The following GTPBP3 variants were observed in gnomAD, a reference collection of about 807,000 sequenced individuals.
GTPBP3 encodes GTP binding protein 3, mitochondrial.
In GTPBP3, 35 loss-of-function variants were observed where a neutral mutation model predicts 42.0. The observed-to-expected ratio is 0.83, with a 90% CI of 0.64 to 1.10. The LOEUF (loss-of-function observed/expected upper bound fraction) is 1.10, where lower values mean the gene tolerates loss of function less well. GTPBP3 is among the 50% of genes least tolerant of loss of function. The pLI is 0.00. For missense variants in GTPBP3, 691 were observed against 685.2 expected (o/e 1.01, Z -0.09); for synonymous variants, 332 against 314.9 (o/e 1.05, Z -0.58).
At chr19:17,336,602 A>C (rs1424632666), upstream of GTPBP3, 1 of 152,254 alleles carries the variant, frequency 6.6e-6, no homozygotes, top group Admixed American at 6.5e-5. Flanking sequence ...ATTTTTCTTA[A>C]CACGCAAGTG....
chr19:17,337,911 C>T, intron 1 of GTPBP3, 97 bp from the exon 2 acceptor site: 1 of 1,487,324 alleles, frequency 6.7e-7, no homozygotes, highest in South Asian at 1.2e-5. Flanking sequence ...GCAGAACCCC[C>T]CCACCTGGAG....
chr19:17,338,803 G>A (rs779862664), intron 4 of GTPBP3, 62 bp downstream of exon 4: 3 of 1,547,916 alleles, frequency 1.9e-6, no homozygotes, highest in Non-Finnish European at 2.6e-6. Context: ...CCCTGCATGA[G>A]ACCCCCTCTC....
At chr19:17,337,465 G>T, upstream of GTPBP3, 7 of 1,244,624 alleles carry the variant, frequency 5.6e-6, no homozygotes, top group Non-Finnish European at 2.0e-6. Flanking sequence ...ATCTTCAGAC[G>T]GTGGGCAGGA....
chr19:17,338,218 G>C lies in GTPBP3; in HGVS notation c.264G>C (p.Gly88=). The C allele has an allele frequency of 6.3e-7, 1 of 1,582,700 alleles. No homozygotes were observed. Among genetic ancestry groups the C allele is most frequent in the Non-Finnish European group, 8.5e-7 (1 of 1,170,298 alleles). The change falls in exon 2 of 9, where the codon GGG becomes GGC. Residue 88 remains glycine (G), a synonymous_variant. Coordinates refer to ENST00000324894, the MANE Select transcript of GTPBP3 (RefSeq NM_032620.4). ...SLRLLSDPRS[G]EPLDRALVLW... is the part of the protein sequence containing the mutation. ...GCCTGCTCAGCGATCCCCGCTCCGG[G>C]GAGCCTCTGGACCGCGCACTGGTGC...
rs764738333 is a variant in GTPBP3, at chr19:17,338,980, C to A, written c.618C>A (p.Ile206=). ...TKALAHVEAY[I]DFGEDDNLEE... ...CTCTGGCCCACGTGGAGGCCTATATCGATTTCGGCGAGGATGACAACCTGG... is the reference window on the plus strand; with the variant it reads ...CTCTGGCCCACGTGGAGGCCTATATAGATTTCGGCGAGGATGACAACCTGG... The change falls in exon 5 of 9, where the codon ATC becomes ATA. Residue 206 remains isoleucine, a synonymous_variant. Coordinates refer to ENST00000324894, the MANE Select transcript of GTPBP3 (RefSeq NM_032620.4). The A allele has an allele frequency of 3.5e-5, 56 of 1,611,230 alleles. No homozygotes were observed. Among genetic ancestry groups the A allele is most frequent in the Non-Finnish European group, 4.7e-5 (55 of 1,178,384 alleles).
At position 17,338,749 on chromosome 19, in the gene GTPBP3, C is replaced by A. The variant is rs370845070; in HGVS notation, c.591+8C>A. The A allele has an allele frequency of 6.1e-5, 97 of 1,599,490 alleles. No homozygotes were observed. Among genetic ancestry groups the A allele is most frequent in the Admixed American group, 1.9e-4 (11 of 59,128 alleles). ...GCCGAGACCCTCACCAAAGCAAGTCCCCCATTTGTCCATTCTCTCCCTCAG... is the reference window on the plus strand; with the variant it reads ...GCCGAGACCCTCACCAAAGCAAGTCACCCATTTGTCCATTCTCTCCCTCAG... On this transcript the variant is annotated splice_region_variant and intron_variant, in intron 4 of 8. Coordinates refer to ENST00000324894, the MANE Select transcript of GTPBP3 (RefSeq NM_032620.4).
rs2074391935 is a variant in GTPBP3, at chr19:17,338,554, T to C, written c.404T>C (p.Leu135Pro). ...CTTCCTGCAGGCAGCGTGCCAGGGC[T>C]TCGACCGGCGGAGGCAGGCGAGTTC... ...VLQALGSVPG[L>P]RPAEAGEFTR... The change falls in exon 4 of 9, where the codon CTT becomes CCT. Residue 135 changes from leucine (L) to proline (P), a missense_variant. Transcript: ENST00000324894. 6.2e-7 allele frequency: 1 copy of C among 1,613,768 alleles called. No individual in the cohort carries two copies. The highest frequency in any genetic ancestry group is 8.5e-7 in the Non-Finnish European group (1 of 1,179,772).
Position 17,341,544 on chromosome 19 carries a change from T to A in GTPBP3, c.1320T>A (p.Gly440=). ...TRARHQHHLQ[G]CLDALGHYKQ... The stretch of plus-strand genomic sequence containing the variant: ...CAAGGCACCAGCACCACCTCCAGGG[T>A]TGCCTGGATGCCCTCGGCCACTACA... The change falls in exon 9 of 9, where the codon GGT becomes GGA. Residue 440 remains glycine, a synonymous_variant. Transcript: ENST00000324894. The A allele has an allele frequency of 1.9e-6, 3 of 1,613,788 alleles. No individual in the cohort carries two copies. The highest frequency in any genetic ancestry group is 2.5e-6 in the Non-Finnish European group (3 of 1,179,990).
chr19:17,340,454 C>T (rs2074417925), intron 7 of GTPBP3, among the ~76,000 whole-genome samples: 1 of 151,528 alleles, frequency 6.6e-6, no homozygotes, highest in African/African-American at 2.4e-5. Flanking sequence ...CCCGCCCTGG[C>T]ACTCCGCTCT....
Position 17,341,052 on chromosome 19 carries a change from A to C in GTPBP3, c.983A>C (p.Gln328Pro), listed in dbSNP as rs770023317. 22 of 1,613,190 alleles carry C rather than the reference A, an allele frequency of 1.4e-5. No homozygotes were observed. Among genetic ancestry groups the C allele is most frequent in the Non-Finnish European group, 1.7e-5 (20 of 1,179,678 alleles). The stretch of plus-strand genomic sequence containing the variant: ...TGACCTTGCTCCCGCAGGCTAGAGC[A>C]GGCTGACCTCATTCTGGCCATGCTG... ...GVRRARERLE[Q>P]ADLILAMLDA... The change falls in exon 8 of 9, where the codon CAG (glutamine) becomes CCG (proline). Residue 328 changes from glutamine to proline, a missense_variant. Coordinates refer to ENST00000324894, the MANE Select transcript of GTPBP3 (RefSeq NM_032620.4).
upstream of GTPBP3, among the ~76,000 whole-genome samples, chr19:17,335,803 G>C (rs1029226237): frequency 1.3e-5 from 1 of 79,320 alleles, no homozygotes; most frequent in Non-Finnish European, 2.5e-5. Context: ...CACAGTAGGC[G>C]CTTGCTGTAC....
chr19:17,340,486 C>T (rs1470379074), intron 7 of GTPBP3, among the ~76,000 whole-genome samples: 1 of 151,714 alleles, frequency 6.6e-6, no homozygotes, highest in Non-Finnish European at 1.5e-5. Context: ...TCTATCCCAT[C>T]CCCTGTGCTC....
rs2074389602 is a variant in GTPBP3, at chr19:17,338,388, GACTGCGTGGAGTTCC to G, written c.328_342del (p.Cys110_His114del). The G allele has an allele frequency of 6.2e-7, 1 of 1,614,074 alleles. No homozygotes were observed. Among genetic ancestry groups the G allele is most frequent in the African/African-American group, 1.3e-5 (1 of 74,948 alleles). On this transcript the variant is annotated inframe_deletion, in exon 3 of 9. Transcript: ENST00000324894. ...AGGTCCCCAGAGTTTCACCGGTGAG[GACTGCGTGGAGTTCC>G]ACGTGCATGGAGGCCCGGCAGTGGT...
upstream of GTPBP3, chr19:17,337,536 GGA>G: frequency 7.8e-7 from 1 of 1,288,160 alleles, no homozygotes; most frequent in Non-Finnish European, 9.9e-7. Context: ...GTCAAGCCGC[GGA>G]GTGGGCGGGG....
chr19:17,340,806 C>G, intron 7 of GTPBP3: 1 of 515,106 alleles, frequency 1.9e-6, no homozygotes, highest in Non-Finnish European at 3.4e-6. Context: ...ACCGTGACCG[C>G]TCCTCTTGCT....
At chr19:17,337,298 T>G (rs2074376302), upstream of GTPBP3, 1 of 319,066 alleles carries the variant, frequency 3.1e-6, no homozygotes, top group African/African-American at 2.1e-5. Context: ...TGCCAAACTC[T>G]GTCCTTTCTT....
intron 7 of GTPBP3, 63 bp from the exon 8 acceptor site, chr19:17,340,981 C>T: frequency 6.4e-7 from 1 of 1,563,096 alleles, no homozygotes; most frequent in Non-Finnish European, 8.7e-7. Flanking sequence ...CTAACTGTCC[C>T]TCCACCCAGT....
In GTPBP3 at chr19:17,339,183, G is replaced by C. The variant is rs1312231447; in HGVS notation, c.725G>C (p.Arg242Pro). 6.2e-7 allele frequency: 1 copy of C among 1,613,632 alleles called. No individual in the cohort carries two copies. Among genetic ancestry groups the C allele is most frequent in the African/African-American group, 1.3e-5 (1 of 74,936 alleles). Reference protein sequence around the residue: ...ALGAHLRDARRGQRLRSGVHV... With the variant: ...ALGAHLRDARPGQRLRSGVHV... ...GGTGCACATCTACGAGATGCCAGGC[G>C]CGGGCAGAGGCTCCGCTCAGGGGTG... is the stretch of plus-strand genomic sequence containing the variant. Residue 242 changes from arginine (R) to proline (P), a missense_variant, in exon 6 of 9, where the codon CGC becomes CCC. By Grantham distance (103) the Arg-to-Pro change is moderately radical. Coordinates refer to ENST00000324894, the MANE Select transcript of GTPBP3 (RefSeq NM_032620.4).
rs769827042 is a variant in GTPBP3, at chr19:17,341,269, G to C, written c.1200G>C (p.Thr400=). 2.5e-6 allele frequency: 4 copies of C among 1,605,840 alleles called. No homozygotes were observed. The highest frequency in any genetic ancestry group is 1.1e-5 in the South Asian group (1 of 91,020). Residue 400 remains threonine (T), a synonymous_variant, in exon 8 of 9, where the codon ACG becomes ACC. Coordinates refer to ENST00000324894, the MANE Select transcript of GTPBP3 (RefSeq NM_032620.4). ...CGCACCTGCTGCTGTCCTGTCTGACGGGAGAGGGGCTGGACGGCCTCCTGG... is the reference window on the plus strand; with the variant it reads ...CGCACCTGCTGCTGTCCTGTCTGACCGGAGAGGGGCTGGACGGCCTCCTGG... ...LPPHLLLSCL[T]GEGLDGLLEA...
Sources: allele counts gnomAD v4.1 joint callset (sites outside exome capture counted in the v4.1 genomes callset), GRCh38; gene constraint gnomAD v4.1.1; transcripts MANE v1.5; gene names NCBI Gene and HGNC (gene_info 2026-07-23, HGNC 2026-07-21).